The following WWOX variants were observed in gnomAD, a reference collection of about 807,000 sequenced individuals.
WWOX encodes WW domain-containing oxidoreductase.
A neutral mutation model predicts 46.2 loss-of-function variants in WWOX; 69 were observed. That is an observed-to-expected ratio of 1.49 (90% confidence interval 1.23 to 1.82). WWOX has a LOEUF of 1.82. WWOX is among the 40% of genes most tolerant of loss of function. The pLI, the probability that WWOX is intolerant of heterozygous loss-of-function variation, is 0.00. For missense variants in WWOX, 919 were observed against 542.6 expected (o/e 1.69, Z -6.89); for synonymous variants, 359 against 202.6 (o/e 1.77, Z -6.56).
At chr16:78,337,551 A>G (rs952520526) in intron 5 of WWOX, among the ~76,000 whole-genome samples, 2 of 152,190 alleles carry the variant, frequency 1.3e-5, no homozygotes, top group Non-Finnish European at 2.9e-5. Flanking sequence ...GGTTTGTTCA[A>G]TGCATAATGA....
intron 6 of WWOX, among the ~76,000 whole-genome samples, chr16:78,419,277 T>C (rs138785139): frequency 3.2e-4 from 48 of 152,214 alleles, no homozygotes; most frequent in African/African-American, 1.2e-3. Flanking sequence ...TTTACAGAAA[T>C]TGAAAAGCTG....
intron 8 of WWOX, among the ~76,000 whole-genome samples, chr16:78,941,338 C>T (rs1159140968): frequency 6.6e-6 from 1 of 152,126 alleles, no homozygotes; most frequent in Non-Finnish European, 1.5e-5. Context: ...ATTATTTCTT[C>T]ATTTTGTTTA....
intron 8 of WWOX, among the ~76,000 whole-genome samples, chr16:79,054,143 G>T (rs2048219809): frequency 6.6e-6 from 1 of 152,202 alleles, no homozygotes; most frequent in South Asian, 2.1e-4. Context: ...AATGTTGGCT[G>T]TGGTTAGGCT....
At chr16:78,737,378 C>G (rs1003243172) in intron 8 of WWOX, among the ~76,000 whole-genome samples, 4 of 151,774 alleles carry the variant, frequency 2.6e-5, no homozygotes, top group African/African-American at 9.7e-5. Context: ...TCAGAATGAT[C>G]CGCCTGCCTC....
At chr16:78,306,562 G>A (rs2151870879) in intron 5 of WWOX, among the ~76,000 whole-genome samples, 1 of 152,204 alleles carries the variant, frequency 6.6e-6, no homozygotes, top group African/African-American at 2.4e-5. Context: ...TTCCACTTGT[G>A]GCCAGGAGAG....
intron 8 of WWOX, among the ~76,000 whole-genome samples, chr16:78,910,639 T>G (rs1400089567): frequency 6.6e-6 from 1 of 151,406 alleles, no homozygotes; most frequent in African/African-American, 2.4e-5. Context: ...GCGGTGGAGG[T>G]GTCACCATTA....
intron 8 of WWOX, among the ~76,000 whole-genome samples, chr16:78,589,494 C>G (rs1368811116): frequency 1.3e-5 from 2 of 152,194 alleles, no homozygotes; most frequent in Non-Finnish European, 1.5e-5. Context: ...TCCTCATCAT[C>G]TCAGCCTCCC....
At chr16:78,988,579 C>A (rs561372485) in intron 8 of WWOX, among the ~76,000 whole-genome samples, 1 of 152,060 alleles carries the variant, frequency 6.6e-6, no homozygotes. Context: ...ACATCCCCGC[C>A]CCTTCAACTC....
In WWOX at chr16:79,025,467, C is replaced by G. The variant is rs558510975; in HGVS notation, c.1057-186141C>G. Among the ~76,000 whole-genome samples, 8 of 152,238 alleles carry G rather than the reference C, an allele frequency of 5.3e-5. 1 individual carries two copies. The highest frequency in any genetic ancestry group is 9.6e-5 in the African/African-American group (4 of 41,532). ...TCAGCAGAGACAGAAGTGAAGAAGG[C>G]ACAGAAGAGAAGGCGGTGTGAAGGT... On this transcript the variant is annotated intron_variant, in intron 8 of 8. Transcript: ENST00000566780.
intron 5 of WWOX, among the ~76,000 whole-genome samples, chr16:78,322,453 T>A (rs1032330157): frequency 2.0e-5 from 3 of 152,224 alleles, no homozygotes; most frequent in Admixed American, 6.5e-5. Context: ...TTTTCACGCT[T>A]GTGCCTTTTT....
intron 8 of WWOX, among the ~76,000 whole-genome samples, chr16:79,198,487 G>A (rs945047516): frequency 6.6e-6 from 1 of 152,176 alleles, no homozygotes; most frequent in Non-Finnish European, 1.5e-5. Flanking sequence ...TAAAGCCCTG[G>A]CCTCCACTGC....
intron 5 of WWOX, among the ~76,000 whole-genome samples, chr16:78,185,919 G>A (rs576971184): frequency 3.1e-4 from 47 of 152,280 alleles, no homozygotes; most frequent in African/African-American, 1.1e-3. Flanking sequence ...ACCCGCCTCG[G>A]CCTCCGAAAG....
intron 8 of WWOX, among the ~76,000 whole-genome samples, chr16:78,769,613 G>C (rs1459900707): frequency 1.0e-4 from 15 of 147,078 alleles, no homozygotes; most frequent in Non-Finnish European, 3.0e-5. Flanking sequence ...CATCAGTCAG[G>C]ATCCAGTTAG....
chr16:78,679,129 T>G (rs1053254523), intron 8 of WWOX, among the ~76,000 whole-genome samples: 3 of 152,164 alleles, frequency 2.0e-5, no homozygotes, highest in East Asian at 1.9e-4. Context: ...GTCTTGGACC[T>G]AGGGATGGAT....
At chr16:78,680,207 C>G (rs1276357048) in intron 8 of WWOX, among the ~76,000 whole-genome samples, 2 of 152,004 alleles carry the variant, frequency 1.3e-5, no homozygotes, top group Non-Finnish European at 2.9e-5. Context: ...CCCAGGAGTT[C>G]GAGACCAGCC....
chr16:78,762,602 G>A (rs2049821961), intron 8 of WWOX, among the ~76,000 whole-genome samples: 1 of 152,194 alleles, frequency 6.6e-6, no homozygotes, highest in Non-Finnish European at 1.5e-5. Context: ...TGGGCACAGG[G>A]GGCTCGGGGC....
chr16:79,036,215 C>G (rs145938198), intron 8 of WWOX, among the ~76,000 whole-genome samples: 25 of 152,340 alleles, frequency 1.6e-4, no homozygotes, highest in African/African-American at 5.5e-4. Context: ...AGTATACCCA[C>G]TACAGCTTTC....
intron 8 of WWOX, among the ~76,000 whole-genome samples, chr16:78,472,684 C>T (rs1431393877): frequency 2.6e-5 from 4 of 151,792 alleles, no homozygotes; most frequent in Non-Finnish European, 5.9e-5. Context: ...TGGTACACAG[C>T]TGTAGTCCCA....
chr16:78,512,738 T>C (rs1243330423), intron 8 of WWOX, among the ~76,000 whole-genome samples: 1 of 152,240 alleles, frequency 6.6e-6, no homozygotes, highest in Non-Finnish European at 1.5e-5. Flanking sequence ...GTACTTGCAC[T>C]AGTGATGCTA....
Sources: gnomAD v4.1 joint callset for allele counts (sites outside exome capture counted in the v4.1 genomes callset) on GRCh38, gnomAD v4.1.1 for gene constraint, MANE v1.5 for transcripts, NCBI Gene and HGNC (gene_info 2026-07-23, HGNC 2026-07-21) for gene names.